The following CLIP1 variants were observed in gnomAD, a reference collection of about 807,000 sequenced individuals.
CLIP1 encodes the protein CAP-Gly domain containing linker protein 1, also known as CAP-Gly domain-containing linker protein 1.
In CLIP1, 66 loss-of-function variants were observed where a neutral mutation model predicts 161.6. The ratio of observed to expected loss-of-function variants is 0.41; its 90% CI spans 0.33 to 0.50. The LOEUF is 0.50. Ranked by LOEUF, CLIP1 falls within the 20% of genes least tolerant of loss-of-function variation. CLIP1 has a pLI of 0.27. For synonymous variants in CLIP1, 598 were observed against 626.2 expected, an observed-to-expected ratio of 0.96 and a Z score of 0.67; for missense variants, 1,376 against 1,702.0, an observed-to-expected ratio of 0.81 and a Z score of 3.37.
At chr12:122,337,395 G>A (rs1952277286) in intron 11 of CLIP1, among the ~76,000 whole-genome samples, 1 of 149,560 alleles carries the variant, frequency 6.7e-6, no homozygotes, top group Non-Finnish European at 1.5e-5. Flanking sequence ...TGGGTGAGCC[G>A]AGACCAGACC....
chr12:122,417,963 C>G (rs1346942849), intron 1 of CLIP1, among the ~76,000 whole-genome samples: 1 of 152,056 alleles, frequency 6.6e-6, no homozygotes, highest in Admixed American at 6.6e-5. Context: ...TGTCTCTACT[C>G]GAAAGTCACA....
intron 21 of CLIP1, among the ~76,000 whole-genome samples, chr12:122,284,222 G>T (rs1240430874): frequency 3.3e-5 from 5 of 152,066 alleles, no homozygotes; most frequent in Non-Finnish European, 7.4e-5. Flanking sequence ...CCCAGAAAAA[G>T]TCATCTTTAT....
chr12:122,390,251 CACATATAT>C lies in CLIP1; in HGVS notation c.-106-9701_-106-9694del, dbSNP rs1177357931. Among the ~76,000 whole-genome samples the C allele has an allele frequency of 4.6e-3, 434 of 94,166 alleles. 2 individuals carry two copies. Among genetic ancestry groups the C allele is most frequent in the East Asian group, 0.034 (62 of 1,836 alleles). 61.8% of individuals were successfully genotyped at this position (94,166 alleles called of 152,430 possible). A position where few individuals can be genotyped will look rare whatever the true frequency, so the allele number is the denominator to read the frequency against. ...ACATATATACACACACATATATATA[CACATATAT>C]ACACACACATATATATATACATATA... On this transcript the variant is annotated intron_variant, in intron 1 of 25. Coordinates refer to ENST00000620786, the MANE Select transcript of CLIP1 (RefSeq NM_001247997.2).
At chr12:122,332,884 A>G in intron 15 of CLIP1, 103 bp downstream of exon 15, 1 of 899,060 alleles carries the variant, frequency 1.1e-6, no homozygotes, top group Non-Finnish European at 1.7e-6. Context: ...GAGACGGGAA[A>G]CTTTAAAACG....
chr12:122,312,530 G>A (rs1025181680), intron 19 of CLIP1, among the ~76,000 whole-genome samples: 8 of 152,184 alleles, frequency 5.3e-5, no homozygotes, highest in Admixed American at 4.6e-4. Context: ...TTGGGAGGCT[G>A]AGGCAGGCGG....
At chr12:122,328,461 T>C (rs909689337) in intron 15 of CLIP1, 35 bp from the exon 16 acceptor site, 7 of 1,348,094 alleles carry the variant, frequency 5.2e-6, no homozygotes, top group Non-Finnish European at 7.0e-6. Flanking sequence ...GTCAGATTTT[T>C]CATAAGAATG....
At chr12:122,336,037 C>T (rs1347213428) in intron 12 of CLIP1, among the ~76,000 whole-genome samples, 1 of 151,882 alleles carries the variant, frequency 6.6e-6, no homozygotes, top group African/African-American at 2.4e-5. Context: ...GTTTTCAGTG[C>T]AGGAGGCAAG....
chr12:122,313,856 G>A (rs56241657), intron 19 of CLIP1, among the ~76,000 whole-genome samples: 15,367 of 152,046 alleles, frequency 0.1, 2,516 homozygotes, highest in African/African-American at 0.35. Flanking sequence ...AGTAATGACC[G>A]CAACAAAAGA....
At chr12:122,374,171 A>G (rs779355433) in intron 3 of CLIP1, among the ~76,000 whole-genome samples, 1 of 152,000 alleles carries the variant, frequency 6.6e-6, no homozygotes, top group Non-Finnish European at 1.5e-5. Context: ...CCCTGTCTCT[A>G]TTAAAAATAC....
chr12:122,420,501 C>G lies in CLIP1; in HGVS notation c.-107+2020G>C, dbSNP rs149397120. ...TCTTGATCTTCAGGCAAAATACCTA[C>G]CCAGGGTCCCACCCGGTTTCAGTTT... On this transcript the variant is annotated intron_variant, in intron 1 of 25. Transcript: ENST00000620786. Among the ~76,000 whole-genome samples the G allele has an allele frequency of 3.2e-3, 493 of 152,288 alleles. 2 individuals are homozygous for G. The highest frequency in any genetic ancestry group is 0.011 in the African/African-American group (467 of 41,562).
rs540907238 is a variant in CLIP1, at chr12:122,329,243, C to T, written c.2868-817G>A. Among the ~76,000 whole-genome samples the T allele has an allele frequency of 8.9e-4, 135 of 152,242 alleles. 1 individual carries two copies. The highest frequency in any genetic ancestry group is 3.4e-3 in the Middle Eastern group (1 of 292). ...TCAGGAGGCTGAGGCAGGAGAACTG[C>T]TTGAGTCGGGTAGACAGAGGTTGCA... On this transcript the variant is annotated intron_variant, in intron 15 of 25. Transcript: ENST00000620786.
chr12:122,313,533 C>A (rs1178203525), intron 19 of CLIP1, among the ~76,000 whole-genome samples: 1 of 151,776 alleles, frequency 6.6e-6, no homozygotes, highest in East Asian at 1.9e-4. Flanking sequence ...TCGAGACCAG[C>A]CTGATCAACA....
At chr12:122,387,824 G>A (rs534144209) in intron 1 of CLIP1, among the ~76,000 whole-genome samples, 4 of 151,578 alleles carry the variant, frequency 2.6e-5, no homozygotes, top group Non-Finnish European at 5.9e-5. Flanking sequence ...GGGCTCAAGC[G>A]ATCCTCCTGC....
At chr12:122,320,400 G>A (rs1020283654) in intron 17 of CLIP1, among the ~76,000 whole-genome samples, 2 of 151,890 alleles carry the variant, frequency 1.3e-5, no homozygotes, top group Admixed American at 6.6e-5. Flanking sequence ...CCCAGGAGGT[G>A]GAAAGTAGCC....
intron 3 of CLIP1, among the ~76,000 whole-genome samples, chr12:122,373,968 G>A (rs1954585771): frequency 6.6e-6 from 1 of 152,092 alleles, no homozygotes. Context: ...GTTATTTAAG[G>A]TTCAAACACA....
At position 122,340,370 on chromosome 12, in the gene CLIP1, C is replaced by A. The variant is rs555717593; in HGVS notation, c.2451+383G>T. Among the ~76,000 whole-genome samples, 16 of 152,238 alleles carry A rather than the reference C, an allele frequency of 1.1e-4. No homozygotes were observed. In the East Asian group the frequency reaches 2.9e-3, roughly 28 times the overall value. ...CTGGGATTACAGGCGTGAGCCACTG[C>A]GCCTGGCCGATCTTTTGAGTTTCTG... On this transcript the variant is annotated intron_variant, in intron 11 of 25. Coordinates refer to ENST00000620786, the MANE Select transcript of CLIP1 (RefSeq NM_001247997.2).
At chr12:122,298,100 G>A (rs1312767763) in intron 20 of CLIP1, among the ~76,000 whole-genome samples, 1 of 152,156 alleles carries the variant, frequency 6.6e-6, no homozygotes, top group Non-Finnish European at 1.5e-5. Flanking sequence ...GCCTGATCCT[G>A]TTTCTTTCTC....
upstream of CLIP1, among the ~76,000 whole-genome samples, chr12:122,422,796 GCCGCCTCTTTGTCTGCGCCCA>G (rs1957006287): frequency 1.8e-5 from 2 of 113,728 alleles, no homozygotes; most frequent in African/African-American, 2.7e-5. Flanking sequence ...GCGCCGCCCC[GCCGCCTCTTTGTCTGCGCCCA>G]CCGCGGCCCC....
At chr12:122,403,653 G>C (rs531803873) in intron 1 of CLIP1, among the ~76,000 whole-genome samples, 1 of 151,748 alleles carries the variant, frequency 6.6e-6, no homozygotes, top group Admixed American at 6.6e-5. Flanking sequence ...TGAGTAGCTG[G>C]TATTACAGGC....
Sources: allele counts gnomAD v4.1 joint callset (sites outside exome capture counted in the v4.1 genomes callset), GRCh38; gene constraint gnomAD v4.1.1; transcripts MANE v1.5; gene names NCBI Gene and HGNC (gene_info 2026-07-23, HGNC 2026-07-21).